Variants in DOCK1 observed in about 807,000 individuals in gnomAD.
DOCK1 encodes the protein dedicator of cytokinesis protein 1.
Under a neutral mutation model 262.7 loss-of-function variants are expected in DOCK1, and 138 were observed. The observed-to-expected ratio is 0.53, with a 90% CI of 0.46 to 0.61. The LOEUF (loss-of-function observed/expected upper bound fraction) is 0.61, where lower values mean the gene tolerates loss of function less well. Among genes scored for constraint, DOCK1 ranks in the 20% least tolerant of loss-of-function variants. DOCK1 has a pLI of 0.00. For missense variants in DOCK1, 1,908 were observed against 2,370.7 expected (o/e 0.80, Z 4.05); for synonymous variants, 866 against 867.4 (o/e 1.00, Z 0.03).
chr10:127,217,849 C>G (rs2058277706), intron 27 of DOCK1, among the ~76,000 whole-genome samples: 1 of 152,136 alleles, frequency 6.6e-6, no homozygotes, highest in Non-Finnish European at 1.5e-5. Flanking sequence ...TAATCCAACT[C>G]AAGTTAATTT....
Position 127,384,849 on chromosome 10 carries a change from G to A in DOCK1, c.3867G>A (p.Thr1289=), listed in dbSNP as rs1288379916. The A allele has an allele frequency of 6.2e-7, 1 of 1,609,404 alleles. No individual in the cohort carries two copies. The highest frequency in any genetic ancestry group is 8.5e-7 in the Non-Finnish European group (1 of 1,178,630). ...LTQRDGYQAT[T]QGQLKEQLYQ... is the part of the protein sequence containing the mutation. Reference sequence around the variant, plus strand: ...AGCGGGACGGGTACCAGGCCACCACGCAGGGACAGCTGAAGGAGCAGCTCT... The same window carrying A: ...AGCGGGACGGGTACCAGGCCACCACACAGGGACAGCTGAAGGAGCAGCTCT... Residue 1289 remains threonine, a synonymous_variant, in exon 38 of 52, where the codon ACG becomes ACA. Transcript: ENST00000623213.
intron 6 of DOCK1, 144 bp downstream of exon 6, chr10:126,990,747 G>C (rs1747153853): frequency 1.9e-5 from 21 of 1,126,716 alleles, no homozygotes; most frequent in Non-Finnish European, 2.6e-5. Flanking sequence ...ATTTTGAAAA[G>C]GATGAGGTAT....
chr10:127,059,276 G>A (rs897916107), intron 22 of DOCK1, among the ~76,000 whole-genome samples: 47 of 152,216 alleles, frequency 3.1e-4, no homozygotes, highest in Admixed American at 1.1e-3. Flanking sequence ...ACTATGGGTT[G>A]CATAGGATTG....
chr10:127,260,441 C>T (rs1224770833), intron 29 of DOCK1, among the ~76,000 whole-genome samples: 3 of 152,212 alleles, frequency 2.0e-5, no homozygotes, highest in Admixed American at 6.5e-5. Context: ...AATGTAAAAT[C>T]CCTACAGTTT....
rs1174417837 is a variant in DOCK1, at chr10:127,000,258, C to T, written c.936C>T (p.Asn312=). Residue 312 remains asparagine (N), a synonymous_variant, in exon 10 of 52, where the codon AAC becomes AAT. Coordinates refer to ENST00000623213, the MANE Select transcript of DOCK1 (RefSeq NM_001290223.2). The part of the protein sequence containing the change: ...VRVGRMELRD[N]NTRKLTSGLR... ...TGGGTCGCATGGAGCTGAGGGACAA[C>T]AACACCAGGAAACTGACCTCGGGGT... is the stretch of plus-strand genomic sequence containing the variant. 6.2e-7 allele frequency: 1 copy of T among 1,614,022 alleles called. No individual in the cohort carries two copies. The highest frequency in any genetic ancestry group is 1.1e-5 in the South Asian group (1 of 91,078).
intron 10 of DOCK1, among the ~76,000 whole-genome samples, chr10:127,005,211 T>C (rs2040922426): frequency 6.6e-6 from 1 of 151,848 alleles, no homozygotes; most frequent in African/African-American, 2.4e-5. Flanking sequence ...CCGGTCGTGG[T>C]GGCGCATGCT....
At chr10:127,263,881 G>A (rs576494260) in intron 29 of DOCK1, among the ~76,000 whole-genome samples, 5 of 152,260 alleles carry the variant, frequency 3.3e-5, no homozygotes, top group African/African-American at 1.2e-4. Context: ...CTCCAGTAGG[G>A]TGCTTGAGTT....
chr10:127,021,334 C>G (rs1191354415), intron 13 of DOCK1, among the ~76,000 whole-genome samples: 2 of 152,102 alleles, frequency 1.3e-5, no homozygotes, highest in Non-Finnish European at 2.9e-5. Context: ...CCTGGCTAAT[C>G]TTTTTATTTT....
chr10:127,306,001 A>AT (rs1294101666), intron 29 of DOCK1, among the ~76,000 whole-genome samples: 5 of 139,930 alleles, frequency 3.6e-5, no homozygotes, highest in Admixed American at 7.1e-5. Context: ...CGTTTTATGC[A>AT]TTTTTTTTCC....
intron 29 of DOCK1, among the ~76,000 whole-genome samples, chr10:127,294,831 G>A (rs1199405862): frequency 6.6e-6 from 1 of 151,638 alleles, no homozygotes; most frequent in East Asian, 1.9e-4. Context: ...TAGTAGAGAC[G>A]AGTTTTCGCC....
intron 23 of DOCK1, among the ~76,000 whole-genome samples, chr10:127,103,836 C>T (rs565505963): frequency 3.3e-5 from 5 of 152,084 alleles, no homozygotes; most frequent in East Asian, 3.9e-4. Context: ...CTGGGTGCTA[C>T]GGATTATGAA....
chr10:127,253,290 A>G (rs188579674), intron 28 of DOCK1, among the ~76,000 whole-genome samples: 4 of 152,296 alleles, frequency 2.6e-5, no homozygotes, highest in African/African-American at 9.6e-5. Context: ...TTGTCTTGCC[A>G]CTTGTCACAA....
chr10:127,030,272 T>G (rs1436023115), intron 16 of DOCK1, among the ~76,000 whole-genome samples: 1 of 152,206 alleles, frequency 6.6e-6, no homozygotes, highest in Non-Finnish European at 1.5e-5. Context: ...CCTCTGTTTC[T>G]GTGCTCTGCT....
At chr10:127,303,633 A>T (rs890014920) in intron 29 of DOCK1, among the ~76,000 whole-genome samples, 1 of 117,478 alleles carries the variant, frequency 8.5e-6, no homozygotes, top group Non-Finnish European at 1.8e-5. Context: ...CCACAGTAAG[A>T]GCATCATTTG....
At chr10:127,090,922 C>G (rs2047485801) in intron 23 of DOCK1, among the ~76,000 whole-genome samples, 1 of 151,524 alleles carries the variant, frequency 6.6e-6, no homozygotes, top group Admixed American at 6.6e-5. Flanking sequence ...CACCTTTTGG[C>G]TGTAGCGTAT....
At chr10:127,043,014 A>C in intron 20 of DOCK1, 50 bp from the exon 21 acceptor site, 1 of 1,395,406 alleles carries the variant, frequency 7.2e-7, no homozygotes, top group South Asian at 1.2e-5. Context: ...AAGATTATAA[A>C]ATGGCTTACA....
At chr10:126,939,998 G>C (rs1305322561) in intron 1 of DOCK1, among the ~76,000 whole-genome samples, 1 of 152,166 alleles carries the variant, frequency 6.6e-6, no homozygotes, top group East Asian at 1.9e-4. Flanking sequence ...GCTGGCATTG[G>C]GAGAGTCTAG....
intron 1 of DOCK1, among the ~76,000 whole-genome samples, chr10:126,929,452 G>T (rs1174264266): frequency 6.6e-6 from 1 of 152,112 alleles, no homozygotes; most frequent in Non-Finnish European, 1.5e-5. Flanking sequence ...GTTTGCTGTT[G>T]GCCAGAGAAG....
chr10:127,441,935 C>G (rs1417093572), intron 49 of DOCK1, among the ~76,000 whole-genome samples: 1 of 152,110 alleles, frequency 6.6e-6, no homozygotes, highest in East Asian at 1.9e-4. Context: ...TGTGCCCTCC[C>G]TGGGATGCAG....
Sources: gnomAD v4.1 joint callset for allele counts (sites outside exome capture counted in the v4.1 genomes callset) on GRCh38, gnomAD v4.1.1 for gene constraint, MANE v1.5 for transcripts, NCBI Gene and HGNC (gene_info 2026-07-23, HGNC 2026-07-21) for gene names.